Variants in MIX23 observed in about 807,000 individuals in gnomAD.
MIX23 encodes protein MIX23.
MIX23 carries 13 observed loss-of-function variants against 21.6 expected under a neutral mutation model. That is an observed-to-expected ratio of 0.60 (90% CI 0.39 to 0.96). The LOEUF (loss-of-function observed/expected upper bound fraction) is 0.96, where lower values mean the gene tolerates loss of function less well. MIX23 is among the 40% of genes least tolerant of loss of function. The pLI is 0.00. For synonymous variants in MIX23, 59 were observed against 58.0 expected (o/e 1.02, Z -0.08); for missense variants, 144 against 171.2 (o/e 0.84, Z 0.89).
At chr3:122,369,693 T>C (rs2075424875) in intron 2 of MIX23, among the ~76,000 whole-genome samples, 1 of 152,124 alleles carries the variant, frequency 6.6e-6, no homozygotes, top group African/African-American at 2.4e-5. Context: ...AACAAGGAGA[T>C]AAAAAACAAC....
chr3:122,366,179 AAAATAAATAAATAAAT>A (rs139237017), intron 3 of MIX23, among the ~76,000 whole-genome samples: 47 of 147,022 alleles, frequency 3.2e-4, no homozygotes, highest in South Asian at 3.1e-3. Flanking sequence ...CTCCATCTCA[AAAATAAATAAATAAAT>A]AAATAAATAA....
At chr3:122,362,813 A>ACCCCCCCCC (rs2075368221) in intron 4 of MIX23, among the ~76,000 whole-genome samples, 155 bp downstream of exon 4, 2 of 140,820 alleles carry the variant, frequency 1.4e-5, no homozygotes, top group African/African-American at 2.7e-5. Flanking sequence ...CCTCCCCCCA[A>ACCCCCCCCC]CCCCAAAAGG....
intron 3 of MIX23, chr3:122,365,274 A>G (rs1010445972): frequency 6.6e-6 from 1 of 152,200 alleles, no homozygotes; most frequent in Admixed American, 6.5e-5. Flanking sequence ...GTCACAACTT[A>G]AAGAAACTGA....
At chr3:122,377,753 C>G (rs2075499548) in intron 1 of MIX23, among the ~76,000 whole-genome samples, 2 of 152,118 alleles carry the variant, frequency 1.3e-5, no homozygotes, top group Admixed American at 1.3e-4. Context: ...GATGCTGGGG[C>G]AGAAGGATCA....
intron 3 of MIX23, among the ~76,000 whole-genome samples, chr3:122,366,233 G>A (rs985997040): frequency 2.6e-5 from 4 of 151,546 alleles, no homozygotes; most frequent in Non-Finnish European, 5.9e-5. Context: ...TAATCTATAT[G>A]CCTTCATGAA....
chr3:122,372,155 T>C (rs1576235670), intron 1 of MIX23, among the ~76,000 whole-genome samples: 1 of 150,612 alleles, frequency 6.6e-6, no homozygotes, highest in Non-Finnish European at 1.5e-5. Flanking sequence ...TACTAGTTTT[T>C]ATTTTTTCTT....
chr3:122,365,699 A>T (rs569652550), intron 3 of MIX23: 8 of 152,300 alleles, frequency 5.3e-5, no homozygotes, highest in African/African-American at 1.9e-4. Flanking sequence ...CCAAACACTC[A>T]GTAGAGTTTT....
At chr3:122,372,902 T>C (rs1192579269) in intron 1 of MIX23, 3 of 324,920 alleles carry the variant, frequency 9.2e-6, no homozygotes, top group East Asian at 8.9e-5. Flanking sequence ...ATTGAAAACA[T>C]CCAAGTTAAT....
chr3:122,370,217 C>T lies in MIX23; in HGVS notation c.177+1458G>A, dbSNP rs570714708. On this transcript the variant is annotated intron_variant, in intron 2 of 4. Coordinates refer to ENST00000291458, the MANE Select transcript of MIX23 (RefSeq NM_001017928.4). The stretch of plus-strand genomic sequence containing the variant: ...CTGTAATCCCAGCACTCTGGGAGGC[C>T]AAGGCGGGTGGATCACTTGAGGTCA... Among the ~76,000 whole-genome samples, 4 of 152,124 alleles carry T rather than the reference C, an allele frequency of 2.6e-5. 1 individual carries two copies. Among genetic ancestry groups the T allele is most frequent in the South Asian group, 4.2e-4 (2 of 4,816 alleles).
At chr3:122,360,015 C>T (rs2075346483) in intron 4 of MIX23, 96 bp from the exon 5 acceptor site, 1 of 1,179,690 alleles carries the variant, frequency 8.5e-7, no homozygotes, top group Non-Finnish European at 1.2e-6. Flanking sequence ...AAGGCTATTA[C>T]CATTTTTGTC....
intron 4 of MIX23, among the ~76,000 whole-genome samples, chr3:122,361,769 T>C (rs977893920): frequency 2.0e-5 from 3 of 152,124 alleles, no homozygotes; most frequent in Non-Finnish European, 4.4e-5. Flanking sequence ...CACCTTATCA[T>C]GTTGGTGGAA....
At chr3:122,383,002 G>A (rs1397689780) in intron 1 of MIX23, 172 bp downstream of exon 1, 2 of 770,588 alleles carry the variant, frequency 2.6e-6, no homozygotes, top group African/African-American at 3.4e-5. Flanking sequence ...CTACAGAGCA[G>A]CCTCGCTCCC....
At chr3:122,379,687 C>A (rs971159803) in intron 1 of MIX23, among the ~76,000 whole-genome samples, 4 of 152,178 alleles carry the variant, frequency 2.6e-5, no homozygotes, top group African/African-American at 9.7e-5. Context: ...AACACCTGTC[C>A]ACAGAAATAA....
intron 2 of MIX23, among the ~76,000 whole-genome samples, chr3:122,369,120 T>C (rs894886400): frequency 7.2e-5 from 11 of 152,228 alleles, no homozygotes; most frequent in Admixed American, 6.5e-4. Context: ...AAAATCTGCA[T>C]TTGTTAAACA....
chr3:122,364,569 T>C (rs989096921), intron 3 of MIX23, among the ~76,000 whole-genome samples: 1 of 152,218 alleles, frequency 6.6e-6, no homozygotes, highest in Non-Finnish European at 1.5e-5. Context: ...AGTACTTATA[T>C]ATCATGGGAG....
At chr3:122,382,562 G>A (rs1235630653) in intron 1 of MIX23, among the ~76,000 whole-genome samples, 2 of 152,148 alleles carry the variant, frequency 1.3e-5, no homozygotes, top group Non-Finnish European at 2.9e-5. Context: ...ATGGCAACTT[G>A]GTCAAAACCA....
At chr3:122,378,640 G>C (rs2075506996) in intron 1 of MIX23, among the ~76,000 whole-genome samples, 1 of 152,186 alleles carries the variant, frequency 6.6e-6, no homozygotes. Flanking sequence ...TGATACTTGT[G>C]TATCTAAATA....
intron 4 of MIX23, 98 bp downstream of exon 4, chr3:122,362,870 T>C (rs190260010): frequency 9.1e-4 from 753 of 830,008 alleles, no homozygotes; most frequent in African/African-American, 3.0e-3. Context: ...CTACTTTCCT[T>C]ACAGCCTCAA....
chr3:122,363,863 T>C (rs2075377508), intron 3 of MIX23, among the ~76,000 whole-genome samples: 2 of 152,116 alleles, frequency 1.3e-5, no homozygotes, highest in Non-Finnish European at 2.9e-5. Context: ...CCCAGTAGCA[T>C]TTTGTTAGAG....
Sources: gnomAD v4.1 joint callset for allele counts (sites outside exome capture counted in the v4.1 genomes callset) on GRCh38, gnomAD v4.1.1 for gene constraint, MANE v1.5 for transcripts, NCBI Gene and HGNC (gene_info 2026-07-23, HGNC 2026-07-21) for gene names.